CFAP299: variants seen among roughly 807,000 people sequenced by gnomAD.
The protein encoded by CFAP299 is cilia- and flagella-associated protein 299.
In CFAP299, 21 loss-of-function variants were observed where a neutral mutation model predicts 27.0. The ratio of observed to expected loss-of-function variants is 0.78; its 90% CI spans 0.55 to 1.12. CFAP299 has a LOEUF of 1.12. Among genes scored for constraint, CFAP299 ranks in the 50% most tolerant of loss-of-function variants. The probability of loss-of-function intolerance (pLI) is 0.00; values close to 1 mark genes in which losing one functional copy is unlikely to be tolerated. For missense variants in CFAP299, 310 were observed against 276.6 expected (o/e 1.12, Z -0.86); for synonymous variants, 104 against 98.1 (o/e 1.06, Z -0.36).
chr4:80,350,997 C>T (rs931923774), intron 1 of CFAP299, among the ~76,000 whole-genome samples: 2 of 151,866 alleles, frequency 1.3e-5, no homozygotes, highest in Admixed American at 6.6e-5. Flanking sequence ...GAAAAATGAA[C>T]GGCATCTTTA....
At chr4:80,580,338 A>T (rs1337638597) in intron 2 of CFAP299, among the ~76,000 whole-genome samples, 1 of 151,972 alleles carries the variant, frequency 6.6e-6, no homozygotes, top group East Asian at 1.9e-4. Context: ...TACTAAGGCA[A>T]AGAGCGTGGA....
chr4:80,806,300 A>G (rs898191209), intron 3 of CFAP299, among the ~76,000 whole-genome samples: 1 of 152,178 alleles, frequency 6.6e-6, no homozygotes, highest in Non-Finnish European at 1.5e-5. Context: ...TGCTTTTTAA[A>G]TTCATGTTAC....
At chr4:80,663,848 TC>T (rs1185006979) in intron 3 of CFAP299, among the ~76,000 whole-genome samples, 2 of 152,256 alleles carry the variant, frequency 1.3e-5, no homozygotes, top group African/African-American at 2.4e-5. Flanking sequence ...TGAGATGGTA[TC>T]TCACTGTGGT....
At chr4:80,675,588 A>G (rs1468731516) in intron 3 of CFAP299, among the ~76,000 whole-genome samples, 5 of 152,216 alleles carry the variant, frequency 3.3e-5, no homozygotes, top group Non-Finnish European at 7.3e-5. Flanking sequence ...AGACAGGGAC[A>G]TTTAAGTCTG....
intron 2 of CFAP299, among the ~76,000 whole-genome samples, chr4:80,548,222 A>G (rs1601514): frequency 0.3 from 45,231 of 152,040 alleles, 9,016 homozygotes; most frequent in African/African-American, 0.57. Flanking sequence ...CATGTCCTTT[A>G]CAGCAACATG....
intron 2 of CFAP299, among the ~76,000 whole-genome samples, chr4:80,418,683 C>T (rs1727139008): frequency 6.6e-6 from 1 of 151,712 alleles, no homozygotes; most frequent in Admixed American, 6.6e-5. Flanking sequence ...AAGCACCATT[C>T]TACTCTCTGC....
chr4:80,582,689 C>G (rs1736231940), intron 2 of CFAP299, among the ~76,000 whole-genome samples: 1 of 151,756 alleles, frequency 6.6e-6, no homozygotes, highest in African/African-American at 2.4e-5. Flanking sequence ...TGCTCTACTC[C>G]AGTAACTGCA....
At chr4:80,512,337 G>A (rs1732350561) in intron 2 of CFAP299, among the ~76,000 whole-genome samples, 2 of 152,054 alleles carry the variant, frequency 1.3e-5, no homozygotes, top group African/African-American at 4.8e-5. Context: ...AAGCAAGTGG[G>A]AGAAGGTGAC....
chr4:80,393,994 G>A (rs1020966889), intron 2 of CFAP299, among the ~76,000 whole-genome samples: 3 of 152,150 alleles, frequency 2.0e-5, no homozygotes, highest in African/African-American at 7.2e-5. Context: ...AAGATAGTGA[G>A]TGAGTTCTCA....
chr4:80,415,178 G>A (rs1578417749), intron 2 of CFAP299, among the ~76,000 whole-genome samples: 1 of 152,166 alleles, frequency 6.6e-6, no homozygotes, highest in East Asian at 1.9e-4. Context: ...ACTTGGTAAT[G>A]TTACAACTGT....
intron 2 of CFAP299, among the ~76,000 whole-genome samples, chr4:80,513,349 TCTTA>T (rs1732414978): frequency 6.6e-6 from 1 of 152,144 alleles, no homozygotes; most frequent in Non-Finnish European, 1.5e-5. Context: ...GGCTGGTCAT[TCTTA>T]CTTGTTTGCT....
intron 3 of CFAP299, among the ~76,000 whole-genome samples, chr4:80,706,242 G>A (rs1306735438): frequency 2.6e-5 from 4 of 151,334 alleles, no homozygotes; most frequent in Non-Finnish European, 5.9e-5. Flanking sequence ...TCTGATATTT[G>A]AGAGGTGGGT....
intron 3 of CFAP299, among the ~76,000 whole-genome samples, chr4:80,738,845 A>G (rs1172885159): frequency 6.6e-6 from 1 of 151,672 alleles, no homozygotes; most frequent in Non-Finnish European, 1.5e-5. Context: ...CCTTTTAGTG[A>G]AGGTGATTTT....
intron 2 of CFAP299, among the ~76,000 whole-genome samples, chr4:80,390,840 T>TACACAC (rs1725404782): frequency 1.4e-5 from 2 of 145,420 alleles, no homozygotes; most frequent in African/African-American, 5.0e-5. Flanking sequence ...TATATATGTA[T>TACACAC]ATACACATAT....
intron 3 of CFAP299, among the ~76,000 whole-genome samples, chr4:80,835,144 T>C (rs1206183605): frequency 6.6e-6 from 1 of 152,112 alleles, no homozygotes; most frequent in African/African-American, 2.4e-5. Context: ...TGAGATGGAG[T>C]CTCGCTCTGT....
At chr4:80,487,115 T>G (rs2110133614) in intron 2 of CFAP299, among the ~76,000 whole-genome samples, 1 of 152,326 alleles carries the variant, frequency 6.6e-6, no homozygotes, top group African/African-American at 2.4e-5. Context: ...TAAATTTGAT[T>G]CAACTCCTTT....
At chr4:80,589,485 T>A (rs1486018) in intron 3 of CFAP299, among the ~76,000 whole-genome samples, 141,491 of 152,296 alleles carry the variant, frequency 0.93, 65,793 homozygotes, top group East Asian at 1. Flanking sequence ...ATTTCATTAA[T>A]ACTAAAATCC....
At chr4:80,862,825 TTGAC>T (rs1388810947) in intron 3 of CFAP299, among the ~76,000 whole-genome samples, 17 of 152,126 alleles carry the variant, frequency 1.1e-4, no homozygotes, top group Admixed American at 7.9e-4. Context: ...AAAACTGCGA[TTGAC>T]TGAGATAATA....
intron 3 of CFAP299, among the ~76,000 whole-genome samples, chr4:80,646,913 T>C (rs1442509450): frequency 1.3e-5 from 2 of 152,138 alleles, no homozygotes; most frequent in Non-Finnish European, 2.9e-5. Context: ...TTTTAAAATA[T>C]ATAAGTTAGA....
Sources: allele counts gnomAD v4.1 joint callset (sites outside exome capture counted in the v4.1 genomes callset), GRCh38; gene constraint gnomAD v4.1.1; transcripts MANE v1.5; gene names NCBI Gene and HGNC (gene_info 2026-07-23, HGNC 2026-07-21).